Variants in CSMD1 observed in about 807,000 individuals in gnomAD.
The protein encoded by CSMD1 is CUB and Sushi multiple domains 1.
A neutral mutation model predicts 417.5 loss-of-function variants in CSMD1; 213 were observed. The ratio of observed to expected loss-of-function variants is 0.51; its 90% CI spans 0.46 to 0.57. CSMD1 has a LOEUF of 0.57. CSMD1 is among the 20% of genes least tolerant of loss of function. The pLI, the probability that CSMD1 is intolerant of heterozygous loss-of-function variation, is 0.00. For synonymous variants in CSMD1, 2,862 were observed against 1,736.8 expected, an observed-to-expected ratio of 1.65 and a Z score of -16.11; for missense variants, 6,923 against 4,529.7, an observed-to-expected ratio of 1.53 and a Z score of -15.17.
At chr8:4,042,468 C>T (rs1389417626) in intron 3 of CSMD1, among the ~76,000 whole-genome samples, 3 of 151,918 alleles carry the variant, frequency 2.0e-5, no homozygotes, top group African/African-American at 7.3e-5. Context: ...TTTGCAATAT[C>T]ACAGGGTAGA....
At chr8:4,524,518 C>T (rs1388954697) in intron 2 of CSMD1, among the ~76,000 whole-genome samples, 1 of 150,268 alleles carries the variant, frequency 6.7e-6, no homozygotes, top group Non-Finnish European at 1.5e-5. Context: ...GAAAACATGA[C>T]AGCAGGGTAT....
chr8:4,923,609 C>G (rs560584181), intron 1 of CSMD1, among the ~76,000 whole-genome samples: 12 of 152,040 alleles, frequency 7.9e-5, no homozygotes, highest in African/African-American at 2.4e-4. Flanking sequence ...TGAGTTTAAA[C>G]ATACACACTA....
intron 1 of CSMD1, among the ~76,000 whole-genome samples, chr8:4,959,573 C>G (rs755751576): frequency 6.6e-6 from 1 of 152,232 alleles, no homozygotes; most frequent in Admixed American, 6.5e-5. Flanking sequence ...AATTATCACC[C>G]GATACCTATC....
rs926958370 is a variant in CSMD1 at position 3,714,937 on chromosome 8, C to A, written c.932-6446G>T. Among the ~76,000 whole-genome samples the A allele has an allele frequency of 2.0e-5, 3 of 152,114 alleles. No individual in the cohort carries two copies. In the South Asian group the frequency reaches 6.2e-4, roughly 32 times the overall value. The stretch of plus-strand genomic sequence containing the variant: ...AATGGTTTACATTGTTTCGCTTTTA[C>A]TCTAGGACTCTCTTTTTCTAGGAGC... On this transcript the variant is annotated intron_variant, in intron 6 of 69. Transcript: ENST00000635120.
intron 3 of CSMD1, among the ~76,000 whole-genome samples, chr8:4,417,147 G>T (rs1048320011): frequency 1.3e-5 from 2 of 151,926 alleles, no homozygotes; most frequent in Non-Finnish European, 2.9e-5. Context: ...ACTTGCTGAG[G>T]TCTATATTCA....
chr8:4,363,807 A>G (rs932325187), intron 3 of CSMD1, among the ~76,000 whole-genome samples: 1 of 152,190 alleles, frequency 6.6e-6, no homozygotes, highest in African/African-American at 2.4e-5. Flanking sequence ...TTTCTTTATA[A>G]ATTCATCACA....
intron 3 of CSMD1, among the ~76,000 whole-genome samples, chr8:4,368,638 A>C (rs746801068): frequency 6.6e-6 from 1 of 151,976 alleles, no homozygotes; most frequent in Non-Finnish European, 1.5e-5. Context: ...TTACCGATTC[A>C]ATTTTGGAAC....
At chr8:4,190,743 T>G (rs954185801) in intron 3 of CSMD1, among the ~76,000 whole-genome samples, 2 of 152,104 alleles carry the variant, frequency 1.3e-5, no homozygotes, top group African/African-American at 4.8e-5. Flanking sequence ...TGAATGGATA[T>G]AACTAATTAA....
intron 1 of CSMD1, among the ~76,000 whole-genome samples, chr8:4,692,270 C>A (rs370789132): frequency 6.6e-6 from 1 of 151,926 alleles, no homozygotes; most frequent in South Asian, 2.1e-4. Flanking sequence ...TTAAGATGTA[C>A]GTTTTCTTAG....
intron 20 of CSMD1, among the ~76,000 whole-genome samples, chr8:3,366,135 G>A (rs557244750): frequency 1.2e-4 from 18 of 152,284 alleles, no homozygotes; most frequent in Non-Finnish European, 1.6e-4. Context: ...TGAGGAATAA[G>A]GAAGGAAAAC....
intron 3 of CSMD1, among the ~76,000 whole-genome samples, chr8:4,110,362 G>T (rs547637831): frequency 6.6e-6 from 1 of 152,108 alleles, no homozygotes; most frequent in African/African-American, 2.4e-5. Flanking sequence ...GGATATGTAT[G>T]TTTTTAATCT....
intron 4 of CSMD1, among the ~76,000 whole-genome samples, chr8:4,002,531 A>G (rs1815769664): frequency 6.6e-6 from 1 of 152,214 alleles, no homozygotes; most frequent in Non-Finnish European, 1.5e-5. Flanking sequence ...CAGTTTTCAA[A>G]GCCCATTTCG....
intron 41 of CSMD1, among the ~76,000 whole-genome samples, chr8:3,137,371 G>A (rs1037779886): frequency 2.0e-5 from 3 of 152,270 alleles, no homozygotes; most frequent in Non-Finnish European, 4.4e-5. Flanking sequence ...CAGCACGGCA[G>A]AAAGTCCCTT....
At chr8:3,243,832 T>C (rs1262754548) in intron 26 of CSMD1, among the ~76,000 whole-genome samples, 3 of 151,676 alleles carry the variant, frequency 2.0e-5, no homozygotes, top group Non-Finnish European at 4.4e-5. Context: ...TTTATATGTA[T>C]ATGCAAAGTT....
chr8:4,280,277 CG>C (rs1477444183), intron 3 of CSMD1, among the ~76,000 whole-genome samples: 10 of 152,082 alleles, frequency 6.6e-5, no homozygotes, highest in Non-Finnish European at 1.5e-4. Flanking sequence ...GATATTAGCA[CG>C]TTTTTATAAT....
chr8:3,249,631 A>G (rs1373316210), intron 26 of CSMD1, among the ~76,000 whole-genome samples: 1 of 152,256 alleles, frequency 6.6e-6, no homozygotes, highest in East Asian at 1.9e-4. Context: ...TATAGGAGAT[A>G]ATGTAAACAT....
At chr8:2,965,038 C>A (rs75475952) in intron 59 of CSMD1, among the ~76,000 whole-genome samples, 3 of 152,194 alleles carry the variant, frequency 2.0e-5, no homozygotes, top group Non-Finnish European at 2.9e-5. Flanking sequence ...CTCTCTCCCC[C>A]TCTTCTTGTC....
At chr8:4,654,841 C>A (rs1338229564) in intron 1 of CSMD1, among the ~76,000 whole-genome samples, 2 of 151,892 alleles carry the variant, frequency 1.3e-5, no homozygotes, top group Non-Finnish European at 1.5e-5. Flanking sequence ...ATTTTAAAGA[C>A]AACAAATAAT....
chr8:4,345,123 G>C (rs547011984), intron 3 of CSMD1, among the ~76,000 whole-genome samples: 269 of 152,222 alleles, frequency 1.8e-3, no homozygotes, highest in Non-Finnish European at 2.9e-3. Context: ...AGCTAAACCT[G>C]TCAGTAATTT....
Sources: allele counts gnomAD v4.1 joint callset (sites outside exome capture counted in the v4.1 genomes callset), GRCh38; gene constraint gnomAD v4.1.1; transcripts MANE v1.5; gene names NCBI Gene and HGNC (gene_info 2026-07-23, HGNC 2026-07-21).